SIPA1L3: variants seen among roughly 807,000 people sequenced by gnomAD.
The protein encoded by SIPA1L3 is signal induced proliferation associated 1 like 3, also known as signal-induced proliferation-associated 1-like protein 3.
A neutral mutation model predicts 150.1 loss-of-function variants in SIPA1L3; 59 were observed. The observed-to-expected ratio is 0.39, with a 90% CI of 0.32 to 0.49. The LOEUF is 0.49. SIPA1L3 is among the 20% of genes least tolerant of loss of function. The probability of loss-of-function intolerance (pLI) is 0.86; values close to 1 mark genes in which losing one functional copy is unlikely to be tolerated. For missense variants in SIPA1L3, 2,211 were observed against 2,489.5 expected, an observed-to-expected ratio of 0.89 and a Z score of 2.38; for synonymous variants, 1,070 against 1,077.6, an observed-to-expected ratio of 0.99 and a Z score of 0.14.
intron 15 of SIPA1L3, among the ~76,000 whole-genome samples, chr19:38,168,246 G>T (rs1410032965): frequency 6.6e-6 from 1 of 152,004 alleles, no homozygotes; most frequent in African/African-American, 2.4e-5. Flanking sequence ...AATTAGCCAG[G>T]CATGGTGGTG....
chr19:38,034,321 C>T (rs1417373495), intron 2 of SIPA1L3, among the ~76,000 whole-genome samples: 2 of 152,188 alleles, frequency 1.3e-5, no homozygotes, highest in Non-Finnish European at 2.9e-5. Context: ...GTAAGCGCCT[C>T]ACGTGCATGA....
intron 1 of SIPA1L3, among the ~76,000 whole-genome samples, chr19:38,002,698 A>G (rs946945553): frequency 2.3e-5 from 3 of 128,736 alleles, no homozygotes; most frequent in Non-Finnish European, 4.7e-5. Context: ...CAGCCTGGTG[A>G]CAGAGCGAGA....
intron 9 of SIPA1L3, among the ~76,000 whole-genome samples, chr19:38,121,760 C>T (rs28865278): frequency 3.3e-5 from 5 of 151,480 alleles, no homozygotes; most frequent in East Asian, 2.0e-4. Context: ...AATAAACAAA[C>T]AAAAAATAAA....
chr19:37,964,455 G>C (rs2046885203), intron 1 of SIPA1L3, among the ~76,000 whole-genome samples: 1 of 152,140 alleles, frequency 6.6e-6, no homozygotes, highest in Non-Finnish European at 1.5e-5. Context: ...AATTATCACA[G>C]CTAAAGCATT....
In SIPA1L3 at chr19:38,083,020, G is replaced by T. The variant is rs1196018447; in HGVS notation, c.1455G>T (p.Thr485=). 1 of 1,613,242 alleles carries T rather than the reference G, an allele frequency of 6.2e-7. No individual in the cohort carries two copies. Among genetic ancestry groups the T allele is most frequent in the African/African-American group, 1.3e-5 (1 of 75,066 alleles). Residue 485 remains threonine (T), a synonymous_variant, in exon 3 of 22, where the codon ACG becomes ACT. Transcript: ENST00000222345. The part of the protein sequence containing the change: ...VLEVPKEQQR[T]QSRPRQYSIE... The stretch of plus-strand genomic sequence containing the variant: ...AAGTTCCCAAGGAGCAGCAGCGGAC[G>T]CAGAGTCGGCCCCGGCAGTACAGCA...
chr19:38,091,183 C>T (rs1347169886), intron 4 of SIPA1L3, among the ~76,000 whole-genome samples: 3 of 152,048 alleles, frequency 2.0e-5, no homozygotes, highest in Non-Finnish European at 2.9e-5. Context: ...CCCTGGAGTT[C>T]GAGACCAGCC....
chr19:38,052,469 C>T (rs1304810872), intron 2 of SIPA1L3, among the ~76,000 whole-genome samples: 1 of 152,226 alleles, frequency 6.6e-6, no homozygotes, highest in Non-Finnish European at 1.5e-5. Flanking sequence ...GGGAGGACCA[C>T]CTGGCTTCTC....
At chr19:38,143,007 C>T (rs577020696) in intron 12 of SIPA1L3, among the ~76,000 whole-genome samples, 1 of 152,316 alleles carries the variant, frequency 6.6e-6, no homozygotes, top group Admixed American at 6.5e-5. Flanking sequence ...ATCTAACTCT[C>T]TCCAGCCCTA....
At chr19:38,148,366 G>T (rs1348375849) in intron 12 of SIPA1L3, among the ~76,000 whole-genome samples, 4 of 150,146 alleles carry the variant, frequency 2.7e-5, no homozygotes, top group African/African-American at 9.8e-5. Flanking sequence ...AAAAAAAAAA[G>T]TTGGGGGAAG....
intron 1 of SIPA1L3, among the ~76,000 whole-genome samples, chr19:37,947,109 G>A (rs1407254445): frequency 6.6e-6 from 1 of 152,138 alleles, no homozygotes; most frequent in Non-Finnish European, 1.5e-5. Flanking sequence ...TGGGAGGATT[G>A]CTTGAGCCCT....
intron 4 of SIPA1L3, among the ~76,000 whole-genome samples, chr19:38,094,137 G>T (rs989909156): frequency 1.3e-5 from 2 of 152,236 alleles, no homozygotes; most frequent in Non-Finnish European, 2.9e-5. Context: ...TAAGAACTTA[G>T]ACAATACATA....
chr19:38,000,375 G>C (rs1967752548), intron 1 of SIPA1L3, among the ~76,000 whole-genome samples: 1 of 151,526 alleles, frequency 6.6e-6, no homozygotes, highest in Non-Finnish European at 1.5e-5. Context: ...GGCTGAGGCA[G>C]GAGAATCGCT....
At chr19:38,101,872 A>AC (rs1308498125) in intron 6 of SIPA1L3, among the ~76,000 whole-genome samples, 1 of 152,148 alleles carries the variant, frequency 6.6e-6, no homozygotes, top group Non-Finnish European at 1.5e-5. Flanking sequence ...ACCTCGGTGC[A>AC]CCCAGTGCAC....
intron 4 of SIPA1L3, among the ~76,000 whole-genome samples, chr19:38,089,978 G>A (rs1173598590): frequency 2.6e-5 from 4 of 152,070 alleles, no homozygotes; most frequent in African/African-American, 9.7e-5. Context: ...CTCTCACCAT[G>A]TCATGGGAAC....
chr19:37,914,526 C>T (rs1341836108), intron 1 of SIPA1L3, among the ~76,000 whole-genome samples: 1 of 151,950 alleles, frequency 6.6e-6, no homozygotes, highest in Non-Finnish European at 1.5e-5. Context: ...TGTGCCACCA[C>T]ACCTGGCTAA....
chr19:38,204,200 C>A lies in SIPA1L3; in HGVS notation c.5194C>A (p.Leu1732Met). The A allele has an allele frequency of 6.4e-7, 1 of 1,555,866 alleles. No individual in the cohort carries two copies. The highest frequency in any genetic ancestry group is 1.2e-5 in the South Asian group (1 of 84,558). The stretch of plus-strand genomic sequence containing the variant: ...GATGCTGAAACAGCTGCACACTGAC[C>A]TGCAGAAGGTAAGGCCGGGGGCCAC... Reference protein sequence around the residue: ...EVMLKQLHTDLQKEKQDKVVL... With the variant: ...EVMLKQLHTDMQKEKQDKVVL... Residue 1732 changes from leucine (L) to methionine (M), a missense_variant, in exon 21 of 22, where the codon CTG becomes ATG. This residue lies in a region of SIPA1L3 where 63 missense variants were observed against 106.1 expected (regional missense o/e 0.59). Coordinates refer to ENST00000222345, the MANE Select transcript of SIPA1L3 (RefSeq NM_015073.3).
Position 38,060,398 on chromosome 19 carries a change from C to T in SIPA1L3, c.-310-20858C>T, listed in dbSNP as rs148983757. ...AATGAGTATTAGAAAAAAAATAAAA[C>T]GAATCCAACATGGATATTCTTAAGG... On this transcript the variant is annotated intron_variant, in intron 2 of 21. Transcript: ENST00000222345. 9.4e-4 allele frequency among the ~76,000 whole-genome samples: 143 copies of T among 152,204 alleles called. 3 individuals carry two copies. The East Asian group carries it at 0.019, about 20-fold the overall frequency.
chr19:38,040,503 A>G (rs753149826), intron 2 of SIPA1L3, among the ~76,000 whole-genome samples: 14 of 152,188 alleles, frequency 9.2e-5, no homozygotes, highest in Non-Finnish European at 1.8e-4. Flanking sequence ...GTGAACATAT[A>G]AAAGTGGTTA....
At chr19:37,992,641 ACT>A (rs937693930) in intron 1 of SIPA1L3, among the ~76,000 whole-genome samples, 9 of 114,326 alleles carry the variant, frequency 7.9e-5, no homozygotes, top group Non-Finnish European at 1.6e-4. Flanking sequence ...ACAAAGTGAC[ACT>A]CTGTCTTAAA....
Sources: allele counts gnomAD v4.1 joint callset (sites outside exome capture counted in the v4.1 genomes callset), GRCh38; gene constraint gnomAD v4.1.1; regional missense constraint gnomAD v4.1.1; transcripts MANE v1.5; gene names NCBI Gene and HGNC (gene_info 2026-07-23, HGNC 2026-07-21).